The following OR6V1 variants were observed in gnomAD, a reference collection of about 807,000 sequenced individuals.
The protein encoded by OR6V1 is olfactory receptor family 6 subfamily V member 1, also known as olfactory receptor 6V1.
OR6V1 carries 10 observed loss-of-function variants against 13.2 expected under a neutral mutation model. That is an observed-to-expected ratio of 0.76 (90% confidence interval 0.47 to 1.28). The LOEUF is 1.28. Ranked by LOEUF, OR6V1 falls within the 50% of genes most tolerant of loss-of-function variation. The pLI, the probability that OR6V1 is intolerant of heterozygous loss-of-function variation, is 0.00. For missense variants in OR6V1, 350 were observed against 380.4 expected (o/e 0.92, Z 0.67); for synonymous variants, 137 against 154.2 (o/e 0.89, Z 0.83).
Position 143,053,242 on chromosome 7 carries a change from G to T in OR6V1, c.902G>T (p.Gly301Val). The T allele has an allele frequency of 6.2e-7, 1 of 1,609,386 alleles. No homozygotes were observed. The highest frequency in any genetic ancestry group is 1.1e-5 in the South Asian group (1 of 91,072). The change falls in exon 1 of 1, where the codon GGG (glycine) becomes GTG (valine). Residue 301 changes from glycine (G) to valine (V), a missense_variant. Transcript: ENST00000418316. ...CAGACAGTTAAAACAGTGCTACAGG[G>T]GCAGATGCAGAGGCTGAAAGGCCTT... ...CNQTVKTVLQ[G>V]QMQRLKGLCK...
rs61997195 is a variant in OR6V1 at position 143,052,598 on chromosome 7, C to A, written c.258C>A (p.Pro86=). 1 of 1,614,006 alleles carries A rather than the reference C, an allele frequency of 6.2e-7. No homozygotes were observed. The highest frequency in any genetic ancestry group is 1.7e-5 in the Admixed American group (1 of 60,024). Residue 86 remains proline (P), a synonymous_variant, in exon 1 of 1, where the codon CCC becomes CCA. Transcript: ENST00000418316. ...VPRMLSDLLV[P]HKVITFTGCM... ...GGATGCTCTCAGACCTGTTGGTCCCCCACAAAGTCATTACCTTCACTGGCT... is the reference window on the plus strand; with the variant it reads ...GGATGCTCTCAGACCTGTTGGTCCCACACAAAGTCATTACCTTCACTGGCT...
rs562001300 is a variant in OR6V1, at chr7:143,052,535, C to A, written c.195C>A (p.Ser65=). ...TPMYFFLGNF[S]LLEILVTMTA... ...TGTACTTCTTCCTGGGCAATTTTTCCCTGCTGGAGATCTTGGTAACCATGA... is the reference window on the plus strand; with the variant it reads ...TGTACTTCTTCCTGGGCAATTTTTCACTGCTGGAGATCTTGGTAACCATGA... The change falls in exon 1 of 1, where the codon TCC becomes TCA. Residue 65 remains serine (S), a synonymous_variant. Transcript: ENST00000418316. 4 of 1,614,036 alleles carry A rather than the reference C, an allele frequency of 2.5e-6. No individual in the cohort carries two copies. In the African/African-American group the frequency reaches 5.3e-5, roughly 22 times the overall value.
chr7:143,052,515 T>G lies in OR6V1; in HGVS notation c.175T>G (p.Phe59Val), dbSNP rs1798213596. ...CACCCACCTACATACACCCATGTAC[T>G]TCTTCCTGGGCAATTTTTCCCTGCT... ...ADTHLHTPMYFFLGNFSLLEI... is the reference protein window; with the variant it reads ...ADTHLHTPMYVFLGNFSLLEI... The change falls in exon 1 of 1, where the codon TTC (phenylalanine) becomes GTC (valine). Residue 59 changes from phenylalanine (F) to valine (V), a missense_variant. Coordinates refer to ENST00000418316, the MANE Select transcript of OR6V1 (RefSeq NM_001001667.1). The G allele has an allele frequency of 6.2e-7, 1 of 1,613,916 alleles. No individual in the cohort carries two copies. The highest frequency in any genetic ancestry group is 1.7e-5 in the Admixed American group (1 of 60,012).
chr7:143,053,160 T>C lies in OR6V1; in HGVS notation c.820T>C (p.Leu274=). 3 of 1,614,018 alleles carry C rather than the reference T, an allele frequency of 1.9e-6. No individual in the cohort carries two copies. The South Asian group carries it at 3.3e-5, about 18-fold the overall frequency. ...TGTGCAAGTCAGGAAGGTCGTGGCC[T>C]TGGTGACTTCAGTTCTCACCCCCTT... ...HSVQVRKVVA[L]VTSVLTPFLN... Residue 274 remains leucine, a synonymous_variant, in exon 1 of 1, where the codon TTG becomes CTG. Coordinates refer to ENST00000418316, the MANE Select transcript of OR6V1 (RefSeq NM_001001667.1).
chr7:143,052,732 G>A lies in OR6V1; in HGVS notation c.392G>A (p.Gly131Asp). The change falls in exon 1 of 1, where the codon GGC becomes GAC. Residue 131 changes from glycine to aspartate, a missense_variant. By Grantham distance (94) the Gly-to-Asp change is moderately conservative. Coordinates refer to ENST00000418316, the MANE Select transcript of OR6V1 (RefSeq NM_001001667.1). ...GCCATCTGCCACCCACTGCGCTATGGCACTCTGATGAGCCGGGCTATGTGT... is the reference window on the plus strand; with the variant it reads ...GCCATCTGCCACCCACTGCGCTATGACACTCTGATGAGCCGGGCTATGTGT... Reference protein sequence around the residue: ...FVAICHPLRYGTLMSRAMCVQ... With the variant: ...FVAICHPLRYDTLMSRAMCVQ... The A allele has an allele frequency of 1.2e-6, 2 of 1,613,998 alleles. No individual in the cohort carries two copies. Among genetic ancestry groups the A allele is most frequent in the South Asian group, 2.2e-5 (2 of 91,080 alleles).
rs1798221484 is a variant in OR6V1 at position 143,052,771 on chromosome 7, G to C, written c.431G>C (p.Gly144Ala). The C allele has an allele frequency of 1.2e-6, 2 of 1,613,880 alleles. No individual in the cohort carries two copies. Among genetic ancestry groups the C allele is most frequent in the Non-Finnish European group, 1.7e-6 (2 of 1,179,906 alleles). The change falls in exon 1 of 1, where the codon GGG becomes GCG. Residue 144 changes from glycine to alanine, a missense_variant. Gly to Ala is a moderately conservative substitution (Grantham distance 60, BLOSUM62 0). Coordinates refer to ENST00000418316, the MANE Select transcript of OR6V1 (RefSeq NM_001001667.1). ...MSRAMCVQLA[G>A]AAWAAPFLAM... ...CGGGCTATGTGTGTCCAGCTGGCTG[G>C]GGCTGCCTGGGCAGCTCCTTTCCTA...
chr7:143,053,139 C>T lies in OR6V1; in HGVS notation c.799C>T (p.Gln267Ter). Residue 267 changes from glutamine (Q) to a stop codon, truncating the protein, a stop_gained, in exon 1 of 1, where the codon CAA becomes TAA. Coordinates refer to ENST00000418316, the MANE Select transcript of OR6V1 (RefSeq NM_001001667.1). LOFTEE classifies it high-confidence loss of function. ...CAGGCCTGGCAAAGCTCACTCTGTG[C>T]AAGTCAGGAAGGTCGTGGCCTTGGT... ...YVRPGKAHSVQVRKVVALVTS... is the reference protein window; with the variant it reads ...YVRPGKAHSV The T allele has an allele frequency of 6.2e-7, 1 of 1,614,032 alleles. No individual in the cohort carries two copies.
rs1386994468 is a variant in OR6V1 at position 143,053,239 on chromosome 7, A to G, written c.899A>G (p.Gln300Arg). The change falls in exon 1 of 1, where the codon CAG (glutamine) becomes CGG (arginine). Residue 300 changes from glutamine to arginine, a missense_variant. By Grantham distance (43) the Gln-to-Arg change is conservative. Coordinates refer to ENST00000418316, the MANE Select transcript of OR6V1 (RefSeq NM_001001667.1). The part of the protein sequence containing the change: ...FCNQTVKTVL[Q>R]GQMQRLKGLC... Reference sequence around the variant, plus strand: ...AATCAGACAGTTAAAACAGTGCTACAGGGGCAGATGCAGAGGCTGAAAGGC... The same window carrying G: ...AATCAGACAGTTAAAACAGTGCTACGGGGGCAGATGCAGAGGCTGAAAGGC... The G allele has an allele frequency of 6.2e-7, 1 of 1,610,196 alleles. No homozygotes were observed. The highest frequency in any genetic ancestry group is 1.3e-5 in the African/African-American group (1 of 75,054).
chr7:143,052,846 G>A lies in OR6V1; in HGVS notation c.506G>A (p.Gly169Asp). ...CGAGCTCATCTTGATTACTGCCATG[G>A]CGACGTCATCAACCACTTCTTCTGT... ...LSRAHLDYCH[G>D]DVINHFFCDN... Residue 169 changes from glycine to aspartate, a missense_variant, in exon 1 of 1, where the codon GGC (glycine) becomes GAC (aspartate). Physicochemically the swap from Gly to Asp is moderately conservative, Grantham distance 94. Coordinates refer to ENST00000418316, the MANE Select transcript of OR6V1 (RefSeq NM_001001667.1). 6.2e-7 allele frequency: 1 copy of A among 1,613,976 alleles called. No individual in the cohort carries two copies. The highest frequency in any genetic ancestry group is 8.5e-7 in the Non-Finnish European group (1 of 1,179,872).
chr7:143,052,491 ACC>A lies in OR6V1; in HGVS notation c.153_154del (p.His52ProfsTer67). On this transcript the variant is annotated frameshift_variant, in exon 1 of 1. Coordinates refer to ENST00000418316, the MANE Select transcript of OR6V1 (RefSeq NM_001001667.1). LOFTEE classifies it high-confidence loss of function. ...CATCATAGTTATGGTCATAGCTGACACCCACCTACATACACCCATGTACTTCT... is the reference window on the plus strand; with the variant it reads ...CATCATAGTTATGGTCATAGCTGACACACCTACATACACCCATGTACTTCT... ...TIIIVMVIAD[T>X]HLHTPMYFFL... The A allele has an allele frequency of 6.2e-7, 1 of 1,613,974 alleles. No individual in the cohort carries two copies. The highest frequency in any genetic ancestry group is 8.5e-7 in the Non-Finnish European group (1 of 1,179,878).
chr7:143,053,134 C>T lies in OR6V1; in HGVS notation c.794C>T (p.Ser265Phe). 1 of 1,614,068 alleles carries T rather than the reference C, an allele frequency of 6.2e-7. No individual in the cohort carries two copies. Among genetic ancestry groups the T allele is most frequent in the Middle Eastern group, 1.6e-4 (1 of 6,062 alleles). ...TATGTCAGGCCTGGCAAAGCTCACT[C>T]TGTGCAAGTCAGGAAGGTCGTGGCC... Reference protein sequence around the residue: ...FLYVRPGKAHSVQVRKVVALV... With the variant: ...FLYVRPGKAHFVQVRKVVALV... The change falls in exon 1 of 1, where the codon TCT becomes TTT. Residue 265 changes from serine (S) to phenylalanine (F), a missense_variant. Transcript: ENST00000418316.
Position 143,053,101 on chromosome 7 carries a change from T to A in OR6V1, c.761T>A (p.Ile254Asn), listed in dbSNP as rs1798227514. The A allele has an allele frequency of 6.2e-7, 1 of 1,613,926 alleles. No individual in the cohort carries two copies. The highest frequency in any genetic ancestry group is 1.1e-5 in the South Asian group (1 of 91,090). ...TLVFIGYSSTIFLYVRPGKAH... is the reference protein window; with the variant it reads ...TLVFIGYSSTNFLYVRPGKAH... ...GTCTTCATCGGCTACAGTAGTACCA[T>A]CTTTCTGTATGTCAGGCCTGGCAAA... Residue 254 changes from isoleucine to asparagine, a missense_variant, in exon 1 of 1, where the codon ATC becomes AAC. Physicochemically the swap from Ile to Asn is moderately radical, Grantham distance 149 (BLOSUM62 -3). Coordinates refer to ENST00000418316, the MANE Select transcript of OR6V1 (RefSeq NM_001001667.1).
At position 143,052,424 on chromosome 7, in the gene OR6V1, C is replaced by T. The variant is rs2116477970; in HGVS notation, c.84C>T (p.Pro28=). 1 of 1,613,992 alleles carries T rather than the reference C, an allele frequency of 6.2e-7. No homozygotes were observed. The highest frequency in any genetic ancestry group is 1.7e-5 in the Admixed American group (1 of 60,014). ...AGCTGCAGGCCCTTCTGTATGGCCC[C>T]TTCCTCATGCTTTATCTTCTCGCCT... The part of the protein sequence containing the change: ...FGELQALLYG[P]FLMLYLLAFM... Residue 28 remains proline (P), a synonymous_variant, in exon 1 of 1, where the codon CCC becomes CCT. Transcript: ENST00000418316.
rs761554663 is a variant in OR6V1, at chr7:143,053,132, C to T, written c.792C>T (p.His264=). 1.2e-6 allele frequency: 2 copies of T among 1,614,042 alleles called. No homozygotes were observed. Among genetic ancestry groups the T allele is most frequent in the South Asian group, 2.2e-5 (2 of 91,082 alleles). Reference sequence around the variant, plus strand: ...TGTATGTCAGGCCTGGCAAAGCTCACTCTGTGCAAGTCAGGAAGGTCGTGG... The same window carrying T: ...TGTATGTCAGGCCTGGCAAAGCTCATTCTGTGCAAGTCAGGAAGGTCGTGG... ...IFLYVRPGKA[H]SVQVRKVVAL... The change falls in exon 1 of 1, where the codon CAC becomes CAT. Residue 264 remains histidine (H), a synonymous_variant. Transcript: ENST00000418316.
At position 143,052,809 on chromosome 7, in the gene OR6V1, A is replaced by C; in HGVS notation, c.469A>C (p.Thr157Pro). ...AGCTCCTTTCCTAGCCATGGTACCC[A>C]CTGTCCTCTCCCGAGCTCATCTTGA... ...WAAPFLAMVP[T>P]VLSRAHLDYC... The change falls in exon 1 of 1, where the codon ACT (threonine) becomes CCT (proline). Residue 157 changes from threonine (T) to proline (P), a missense_variant. Transcript: ENST00000418316. 3 of 1,613,934 alleles carry C rather than the reference A, an allele frequency of 1.9e-6. No homozygotes were observed. In the South Asian group the frequency reaches 3.3e-5, roughly 18 times the overall value.
rs994058156 is a variant in OR6V1 at position 143,052,497 on chromosome 7, C to A, written c.157C>A (p.Leu53Ile). The A allele has an allele frequency of 1.9e-6, 3 of 1,614,002 alleles. No homozygotes were observed. Among genetic ancestry groups the A allele is most frequent in the Non-Finnish European group, 1.7e-6 (2 of 1,179,880 alleles). ...AGTTATGGTCATAGCTGACACCCAC[C>A]TACATACACCCATGTACTTCTTCCT... ...IIVMVIADTHLHTPMYFFLGN... is the reference protein window; with the variant it reads ...IIVMVIADTHIHTPMYFFLGN... The change falls in exon 1 of 1, where the codon CTA (leucine) becomes ATA (isoleucine). Residue 53 changes from leucine (L) to isoleucine (I), a missense_variant. Leu to Ile is a conservative substitution (Grantham distance 5). Transcript: ENST00000418316.
chr7:143,052,916 G>T lies in OR6V1; in HGVS notation c.576G>T (p.Leu192=). ...AGTTGTCATGCTCTGACACTCGCCT[G>T]TTGGAATTCTGGGACTTTCTGATGG... ...LLQLSCSDTR[L]LEFWDFLMAL... Residue 192 remains leucine, a synonymous_variant, in exon 1 of 1, where the codon CTG becomes CTT. Coordinates refer to ENST00000418316, the MANE Select transcript of OR6V1 (RefSeq NM_001001667.1). The T allele has an allele frequency of 6.2e-7, 1 of 1,614,022 alleles. No homozygotes were observed.
rs776161537 is a variant in OR6V1, at chr7:143,052,365, G to A, written c.25G>A (p.Glu9Lys). Residue 9 changes from glutamate to lysine, a missense_variant, in exon 1 of 1, where the codon GAA becomes AAA. Transcript: ENST00000418316. ...CATGGCAAATCTGAGCCAGCCCTCC[G>A]AATTTGTCCTCTTGGGCTTCTCCTC... MANLSQPS[E>K]FVLLGFSSFG... 21 of 1,613,734 alleles carry A rather than the reference G, an allele frequency of 1.3e-5. No homozygotes were observed. Among genetic ancestry groups the A allele is most frequent in the African/African-American group, 5.3e-5 (4 of 74,884 alleles).
At position 143,052,581 on chromosome 7, in the gene OR6V1, TCA is replaced by T. The variant is rs1354239895; in HGVS notation, c.242_243del (p.Ser81Ter). Reference protein sequence around the residue: ...VTMTAVPRMLSDLLVPHKVIT... With the variant: ...VTMTAVPRMLXDLLVPHKVIT... ...CATGACTGCAGTGCCCAGGATGCTC[TCA>T]GACCTGTTGGTCCCCCACAAAGTCA... is the stretch of plus-strand genomic sequence containing the variant. On this transcript the variant is annotated frameshift_variant, in exon 1 of 1. Coordinates refer to ENST00000418316, the MANE Select transcript of OR6V1 (RefSeq NM_001001667.1). LOFTEE classifies it high-confidence loss of function. The T allele has an allele frequency of 1.2e-6, 2 of 1,613,946 alleles. No homozygotes were observed. The highest frequency in any genetic ancestry group is 1.7e-6 in the Non-Finnish European group (2 of 1,179,902).
Sources: allele counts gnomAD v4.1 joint callset, GRCh38; gene constraint gnomAD v4.1.1; transcripts MANE v1.5; gene names NCBI Gene and HGNC (gene_info 2026-07-23, HGNC 2026-07-21).